Variants in CHMP4B observed in about 807,000 individuals in gnomAD.
CHMP4B encodes SNF7 homolog associated with Alix 1.
CHMP4B carries 1 observed loss-of-function variant against 25.1 expected under a neutral mutation model. The observed-to-expected ratio is 0.04, with a 90% CI of 0.01 to 0.19. The LOEUF (loss-of-function observed/expected upper bound fraction) is 0.19, where lower values mean the gene tolerates loss of function less well. Ranked by LOEUF, CHMP4B falls within the 10% of genes least tolerant of loss-of-function variation. The pLI is 1.00. For synonymous variants in CHMP4B, 101 were observed against 115.6 expected (o/e 0.87, Z 0.81); for missense variants, 151 against 289.7 (o/e 0.52, Z 3.48).
At chr20:33,824,731 A>G (rs545390443) in intron 1 of CHMP4B, among the ~76,000 whole-genome samples, 76 of 152,128 alleles carry the variant, frequency 5.0e-4, no homozygotes, top group African/African-American at 1.8e-3. Flanking sequence ...TGTGTATTGT[A>G]GGATGTTCAG....
At chr20:33,836,698 T>G (rs1979401357) in intron 1 of CHMP4B, among the ~76,000 whole-genome samples, 1 of 152,120 alleles carries the variant, frequency 6.6e-6, no homozygotes, top group African/African-American at 2.4e-5. Flanking sequence ...GAACTCCAGC[T>G]GCGTTGGTCT....
Position 33,839,279 on chromosome 20 carries a change from C to G in CHMP4B, c.191-9188C>G, listed in dbSNP as rs141227920. Among the ~76,000 whole-genome samples, 310 of 152,176 alleles carry G rather than the reference C, an allele frequency of 2.0e-3. 2 individuals carry two copies. The highest frequency in any genetic ancestry group is 3.4e-3 in the Middle Eastern group (1 of 294). On this transcript the variant is annotated intron_variant, in intron 1 of 4. Coordinates refer to ENST00000217402, the MANE Select transcript of CHMP4B (RefSeq NM_176812.5). The stretch of plus-strand genomic sequence containing the variant: ...CCCACAAATGAGGAAATGGCAGGGT[C>G]AAGTTGGGCGTTATGGAGTGCCCCT...
intron 1 of CHMP4B, among the ~76,000 whole-genome samples, chr20:33,833,965 G>A (rs1361649362): frequency 3.3e-5 from 5 of 152,214 alleles, no homozygotes; most frequent in Non-Finnish European, 7.3e-5. Flanking sequence ...AATGAGCAAA[G>A]GAATTGCCTG....
At chr20:33,822,545 T>G (rs1262723547) in intron 1 of CHMP4B, among the ~76,000 whole-genome samples, 1 of 152,228 alleles carries the variant, frequency 6.6e-6, no homozygotes, top group Non-Finnish European at 1.5e-5. Context: ...CATCGCAGAT[T>G]GCTTGGCAAG....
At chr20:33,843,104 A>G (rs1735703352) in intron 1 of CHMP4B, among the ~76,000 whole-genome samples, 1 of 152,192 alleles carries the variant, frequency 6.6e-6, no homozygotes, top group African/African-American at 2.4e-5. Flanking sequence ...TCCTGGGTGA[A>G]CGTCTTTTTG....
intron 1 of CHMP4B, 124 bp from the exon 2 acceptor site, chr20:33,848,343 A>G (rs1979745505): frequency 1.1e-6 from 1 of 911,978 alleles, no homozygotes; most frequent in Non-Finnish European, 1.8e-6. Flanking sequence ...GAATTTATGA[A>G]TCCTCTGCTA....
chr20:33,833,373 G>T (rs140740546), intron 1 of CHMP4B, among the ~76,000 whole-genome samples: 7 of 152,136 alleles, frequency 4.6e-5, no homozygotes, highest in Non-Finnish European at 1.0e-4. Flanking sequence ...CATTCAAACA[G>T]GTGATACAGG....
intron 1 of CHMP4B, among the ~76,000 whole-genome samples, chr20:33,815,794 C>T (rs983702663): frequency 5.5e-4 from 84 of 152,178 alleles, no homozygotes; most frequent in African/African-American, 1.9e-3. Flanking sequence ...AACTCAAAGA[C>T]CAGTTCTGTT....
intron 1 of CHMP4B, among the ~76,000 whole-genome samples, chr20:33,843,893 A>G (rs1979609687): frequency 6.6e-6 from 1 of 152,242 alleles, no homozygotes; most frequent in African/African-American, 2.4e-5. Flanking sequence ...CTCATGAAGC[A>G]TGTTTAGGTG....
chr20:33,831,082 C>T (rs1979234975), intron 1 of CHMP4B, among the ~76,000 whole-genome samples: 1 of 149,742 alleles, frequency 6.7e-6, no homozygotes, highest in African/African-American at 2.5e-5. Flanking sequence ...CTGAGACTGC[C>T]TATGCTCAGC....
intron 1 of CHMP4B, among the ~76,000 whole-genome samples, chr20:33,841,678 G>A (rs1030689745): frequency 6.6e-6 from 1 of 152,128 alleles, no homozygotes; most frequent in African/African-American, 2.4e-5. Context: ...CACTCATTAG[G>A]GGAAGGTATT....
At position 33,852,209 on chromosome 20, in the gene CHMP4B, T is replaced by G; in HGVS notation, c.610+6T>G. 1 of 1,613,910 alleles carries G rather than the reference T, an allele frequency of 6.2e-7. No homozygotes were observed. Among genetic ancestry groups the G allele is most frequent in the Non-Finnish European group, 8.5e-7 (1 of 1,179,998 alleles). On this transcript the variant is annotated splice_donor_region_variant and intron_variant, in intron 4 of 4. Coordinates refer to ENST00000217402, the MANE Select transcript of CHMP4B (RefSeq NM_176812.5). ...AGCCCTACCATCAAAACCCGGTGAG[T>G]GCTTCTAGAGTCATGGCACACCGTG...
intron 1 of CHMP4B, among the ~76,000 whole-genome samples, chr20:33,832,248 A>C (rs1476151584): frequency 1.3e-5 from 2 of 152,184 alleles, no homozygotes; most frequent in African/African-American, 2.4e-5. Flanking sequence ...AAGCAGAGGA[A>C]GAAAAGCCAG....
intron 1 of CHMP4B, among the ~76,000 whole-genome samples, chr20:33,816,528 C>T (rs923574541): frequency 6.6e-6 from 1 of 151,916 alleles, no homozygotes; most frequent in Non-Finnish European, 1.5e-5. Flanking sequence ...TTTTTTGGTA[C>T]CTTTCTAAAC....
Position 33,838,588 on chromosome 20 carries a change from T to C in CHMP4B, c.191-9879T>C, listed in dbSNP as rs545639018. Among the ~76,000 whole-genome samples the C allele has an allele frequency of 1.7e-3, 265 of 152,320 alleles. 2 individuals are homozygous for C. The highest frequency in any genetic ancestry group is 6.2e-3 in the African/African-American group (256 of 41,558). ...AAGACATGGGACAAATGAAGACATA[T>C]CTGTGGGCTGCATGGGTGCTCAGTT... On this transcript the variant is annotated intron_variant, in intron 1 of 4. Transcript: ENST00000217402.
At position 33,848,579 on chromosome 20, in the gene CHMP4B, C is replaced by T. The variant is rs1979751995; in HGVS notation, c.303C>T (p.Thr101=). The T allele has an allele frequency of 6.2e-7, 1 of 1,614,094 alleles. No homozygotes were observed. Among genetic ancestry groups the T allele is most frequent in the Admixed American group, 1.7e-5 (1 of 60,006 alleles). The change falls in exon 2 of 5, where the codon ACC becomes ACT. Residue 101 remains threonine, a synonymous_variant. Transcript: ENST00000217402. ...GGGAGGCCCTGGAGAATGCCAACAC[C>T]AACACCGAGGTGCTCAAGAACATGG... ...FQREALENAN[T]NTEVLKNMGY...
chr20:33,818,517 C>T (rs539253961), intron 1 of CHMP4B, among the ~76,000 whole-genome samples: 28 of 119,668 alleles, frequency 2.3e-4, no homozygotes, highest in Admixed American at 1.1e-3. Context: ...ACAGCTCCAA[C>T]TGTAAAATCA....
chr20:33,833,788 T>TC (rs763781188), intron 1 of CHMP4B, among the ~76,000 whole-genome samples: 6 of 152,152 alleles, frequency 3.9e-5, no homozygotes, highest in Non-Finnish European at 7.4e-5. Flanking sequence ...AAGGTTAGTT[T>TC]CCCCCCTCTA....
intron 1 of CHMP4B, among the ~76,000 whole-genome samples, chr20:33,833,755 C>T (rs1399760786): frequency 6.6e-6 from 1 of 152,178 alleles, no homozygotes; most frequent in Non-Finnish European, 1.5e-5. Flanking sequence ...TCCTACCATC[C>T]TTTAAAATGC....
Sources: gnomAD v4.1 joint callset for allele counts (sites outside exome capture counted in the v4.1 genomes callset) on GRCh38, gnomAD v4.1.1 for gene constraint, MANE v1.5 for transcripts, NCBI Gene and HGNC (gene_info 2026-07-23, HGNC 2026-07-21) for gene names.